Variants in PITRM1 observed in about 807,000 individuals in gnomAD.
PITRM1 encodes the protein presequence protease, mitochondrial.
In PITRM1, 100 loss-of-function variants were observed where a neutral mutation model predicts 129.9. The ratio of observed to expected loss-of-function variants is 0.77; its 90% CI spans 0.65 to 0.91. The LOEUF (loss-of-function observed/expected upper bound fraction) is 0.91, where lower values mean the gene tolerates loss of function less well. Among genes scored for constraint, PITRM1 ranks in the 40% least tolerant of loss-of-function variants. The probability of loss-of-function intolerance (pLI) is 0.00; values close to 1 mark genes in which losing one functional copy is unlikely to be tolerated. For missense variants in PITRM1, 1,471 were observed against 1,318.3 expected (o/e 1.12, Z -1.79); for synonymous variants, 591 against 508.8 (o/e 1.16, Z -2.17).
intron 20 of PITRM1, 113 bp from the exon 21 acceptor site, chr10:3,145,829 G>C: frequency 1.2e-6 from 1 of 847,928 alleles, no homozygotes; most frequent in Non-Finnish European, 1.8e-6. Context: ...ACTGTTCAGA[G>C]TGTTAAACAG....
intron 9 of PITRM1, among the ~76,000 whole-genome samples, chr10:3,159,555 G>A (rs112149981): frequency 5.9e-5 from 9 of 152,232 alleles, no homozygotes; most frequent in Non-Finnish European, 8.8e-5. Context: ...ACCTCAAAAT[G>A]TGAGCACCTG....
intron 11 of PITRM1, 137 bp from the exon 12 acceptor site, chr10:3,157,668 C>T: frequency 4.9e-6 from 3 of 612,356 alleles, no homozygotes; most frequent in African/African-American, 1.9e-5. Context: ...ACAGAGAAAG[C>T]CCATCTCTAC....
intron 13 of PITRM1, among the ~76,000 whole-genome samples, chr10:3,155,954 C>T (rs1384527690): frequency 1.3e-5 from 2 of 152,142 alleles, no homozygotes; most frequent in African/African-American, 4.8e-5. Context: ...GCACAGAATT[C>T]ATATATGCTG....
intron 7 of PITRM1, chr10:3,163,348 G>C (rs1842603434): frequency 6.3e-6 from 1 of 157,992 alleles, no homozygotes; most frequent in Non-Finnish European, 1.4e-5. Context: ...TCCACTATTG[G>C]AAGAGCACTT....
chr10:3,137,999 C>A lies in PITRM1; in HGVS notation c.*32G>T. The A allele has an allele frequency of 2.3e-6, 3 of 1,285,034 alleles. No homozygotes were observed. Among genetic ancestry groups the A allele is most frequent in the East Asian group, 2.4e-5 (1 of 41,636 alleles). 79.6% of individuals were successfully genotyped at this position (1,285,034 alleles called of 1,614,324 possible). ...TATTCAGCTCGGAGGTGTATTGTCT[C>A]GGGCTCCTGTGCAGTCGAGCGCCAC... On this transcript the variant is annotated 3_prime_UTR_variant, in exon 27 of 27. Coordinates refer to ENST00000224949, the MANE Select transcript of PITRM1 (RefSeq NM_014889.4).
At chr10:3,155,933 C>G (rs1286447597) in intron 13 of PITRM1, among the ~76,000 whole-genome samples, 1 of 152,130 alleles carries the variant, frequency 6.6e-6, no homozygotes, top group East Asian at 1.9e-4. Context: ...CCATACCTGC[C>G]TATGTAGTAA....
intron 2 of PITRM1, among the ~76,000 whole-genome samples, chr10:3,168,426 T>TTCTCATGAGAGCTGACGGTTTTATAA (rs1554803207): frequency 6.6e-6 from 1 of 151,404 alleles, no homozygotes. Flanking sequence ...TAAGTTTCTA[T>TTCTCATGAGAGCTGACGGTTTTATAA]GGCTGGACAC....
intron 14 of PITRM1, among the ~76,000 whole-genome samples, 171 bp downstream of exon 14, chr10:3,155,420 G>C (rs1278752940): frequency 6.6e-6 from 1 of 152,152 alleles, no homozygotes; most frequent in Admixed American, 6.5e-5. Flanking sequence ...GAGCTACACG[G>C]GCGATTTTCT....
intron 2 of PITRM1, among the ~76,000 whole-genome samples, chr10:3,169,547 T>C (rs917798538): frequency 1.3e-5 from 2 of 152,222 alleles, no homozygotes; most frequent in Non-Finnish European, 2.9e-5. Context: ...GCCAAATACA[T>C]GAAGCGTGTC....
chr10:3,156,886 A>C, intron 13 of PITRM1, 44 bp downstream of exon 13: 1 of 1,329,480 alleles, frequency 7.5e-7, no homozygotes, highest in Admixed American at 2.7e-5. Flanking sequence ...TTAGTATAAA[A>C]TTCAACTTCA....
rs373762066 is a variant in PITRM1, at chr10:3,153,135, A to T, written c.1622-1772T>A. On this transcript the variant is annotated intron_variant, in intron 14 of 26. Transcript: ENST00000224949. ...TGAAATAACCATTCAATGCACTAGCACTGTGCCCTCCTTTCAAAGAGCTAC... is the reference window on the plus strand; with the variant it reads ...TGAAATAACCATTCAATGCACTAGCTCTGTGCCCTCCTTTCAAAGAGCTAC... 6.4e-4 allele frequency among the ~76,000 whole-genome samples: 98 copies of T among 152,336 alleles called. No homozygotes were observed. In the Middle Eastern group the frequency reaches 0.014, roughly 21 times the overall value.
chr10:3,144,422 A>G lies in PITRM1; in HGVS notation c.2458-56T>C, dbSNP rs1840627115. 6 of 1,009,122 alleles carry G rather than the reference A, an allele frequency of 5.9e-6. No individual in the cohort carries two copies. In the Admixed American group the frequency reaches 6.6e-5, roughly 11 times the overall value. The allele number at this position is 1,009,122 out of a possible 1,614,324, so 62.5% of individuals were successfully genotyped here. ...AAAATCCAGAACTCACTTGAAATAT[A>G]TAAGAAGTAACAGAGTTTATAAAAT... On this transcript the variant is annotated intron_variant, in intron 21 of 26. Coordinates refer to ENST00000224949, the MANE Select transcript of PITRM1 (RefSeq NM_014889.4).
chr10:3,159,152 GCAT>G (rs1842228541), intron 9 of PITRM1, 110 bp from the exon 10 acceptor site: 18 of 988,314 alleles, frequency 1.8e-5, no homozygotes, highest in Admixed American at 3.0e-5. Flanking sequence ...AGAAATTCTT[GCAT>G]TTCAACATTT....
intron 20 of PITRM1, 102 bp from the exon 21 acceptor site, chr10:3,145,818 T>C (rs1840802627): frequency 1.4e-5 from 14 of 968,350 alleles, no homozygotes; most frequent in Admixed American, 2.1e-5. Flanking sequence ...TTATAGAAAA[T>C]ACTGTTCAGA....
At chr10:3,153,190 G>C (rs1841670074) in intron 14 of PITRM1, among the ~76,000 whole-genome samples, 1 of 152,206 alleles carries the variant, frequency 6.6e-6, no homozygotes, top group Admixed American at 6.5e-5. Context: ...GAAATCTGTA[G>C]TGTGAGCACT....
At chr10:3,148,412 C>T in intron 16 of PITRM1, 121 bp from the exon 17 acceptor site, 1 of 1,253,768 alleles carries the variant, frequency 8.0e-7, no homozygotes, top group Non-Finnish European at 1.1e-6. Flanking sequence ...CTTTGCCAAC[C>T]TCTCTACACT....
At chr10:3,152,288 A>G (rs1246016899) in intron 14 of PITRM1, among the ~76,000 whole-genome samples, 1 of 152,106 alleles carries the variant, frequency 6.6e-6, no homozygotes, top group African/African-American at 2.4e-5. Flanking sequence ...GCGGCTTCAC[A>G]GTGCTACACC....
chr10:3,147,144 A>C lies in PITRM1; in HGVS notation c.2336+6T>G, dbSNP rs747262784. The stretch of plus-strand genomic sequence containing the variant: ...TAAAATATTTAGAAACAAATCACAC[A>C]TGCACCTCATATTATCACCATTTAA... On this transcript the variant is annotated splice_donor_region_variant and intron_variant, in intron 20 of 26. Coordinates refer to ENST00000224949, the MANE Select transcript of PITRM1 (RefSeq NM_014889.4). 43 of 1,397,362 alleles carry C rather than the reference A, an allele frequency of 3.1e-5. No individual in the cohort carries two copies. The highest frequency in any genetic ancestry group is 4.3e-5 in the Non-Finnish European group (42 of 983,934). The allele number at this position is 1,397,362 out of a possible 1,614,324, so 86.6% of individuals were successfully genotyped here. A position where few individuals can be genotyped will look rare whatever the true frequency, so the allele number is the denominator to read the frequency against.
intron 1 of PITRM1, among the ~76,000 whole-genome samples, chr10:3,171,881 C>A (rs1408680656): frequency 6.6e-6 from 1 of 152,170 alleles, no homozygotes; most frequent in Non-Finnish European, 1.5e-5. Context: ...ATTATTCTCT[C>A]CAATTGTATT....
Sources: allele counts gnomAD v4.1 joint callset (sites outside exome capture counted in the v4.1 genomes callset), GRCh38; gene constraint gnomAD v4.1.1; transcripts MANE v1.5; gene names NCBI Gene and HGNC (gene_info 2026-07-23, HGNC 2026-07-21).